DPP10: variants seen among roughly 807,000 people sequenced by gnomAD.
The protein encoded by DPP10 is inactive dipeptidyl peptidase 10.
Under a neutral mutation model 120.9 loss-of-function variants are expected in DPP10, and 33 were observed. That is an observed-to-expected ratio of 0.27 (90% CI 0.21 to 0.37). The LOEUF (loss-of-function observed/expected upper bound fraction) is 0.37, where lower values mean the gene tolerates loss of function less well. DPP10 is among the 10% of genes least tolerant of loss of function. DPP10 has a pLI of 1.00. For synonymous variants in DPP10, 337 were observed against 326.1 expected, an observed-to-expected ratio of 1.03 and a Z score of -0.36; for missense variants, 816 against 942.8, an observed-to-expected ratio of 0.87 and a Z score of 1.76.
In DPP10 at chr2:115,192,961, A is replaced by G. The variant is rs569853597; in HGVS notation, c.61-116278A>G. Among the ~76,000 whole-genome samples, 238 of 152,024 alleles carry G rather than the reference A, an allele frequency of 1.6e-3. 2 individuals carry two copies. The highest frequency in any genetic ancestry group is 5.5e-3 in the African/African-American group (229 of 41,574). ...CAATTAACGTTTCAAAACTTGCTTA[A>G]ACTTTAAAACAAAAAAAAAATTTTT... On this transcript the variant is annotated intron_variant, in intron 1 of 25. Coordinates refer to ENST00000410059, the MANE Select transcript of DPP10 (RefSeq NM_020868.6).
intron 1 of DPP10, among the ~76,000 whole-genome samples, chr2:114,643,305 C>T (rs1459585017): frequency 6.6e-6 from 1 of 151,878 alleles, no homozygotes; most frequent in African/African-American, 2.4e-5. Context: ...CAAGCTGACA[C>T]AATTTACAAA....
chr2:114,608,082 T>A (rs1692961599), intron 1 of DPP10, among the ~76,000 whole-genome samples: 1 of 152,232 alleles, frequency 6.6e-6, no homozygotes, highest in Admixed American at 6.5e-5. Context: ...GCCCTGGTCA[T>A]TACTCCGTAA....
At chr2:115,740,741 C>G (rs918207006) in intron 9 of DPP10, among the ~76,000 whole-genome samples, 29 of 152,140 alleles carry the variant, frequency 1.9e-4, no homozygotes, top group African/African-American at 6.5e-4. Flanking sequence ...TTTAATTGCT[C>G]GAGATCTCTT....
At chr2:114,809,645 T>G (rs114808151) in intron 1 of DPP10, among the ~76,000 whole-genome samples, 2,273 of 152,282 alleles carry the variant, frequency 0.015, 68 homozygotes, top group African/African-American at 0.051. Flanking sequence ...AAGCAGTGAA[T>G]GAAGCAACCC....
At chr2:114,681,019 T>C (rs1698992096) in intron 1 of DPP10, among the ~76,000 whole-genome samples, 1 of 151,976 alleles carries the variant, frequency 6.6e-6, no homozygotes, top group South Asian at 2.1e-4. Context: ...TGTATTTAGG[T>C]CATAATAATT....
chr2:115,638,498 T>C (rs1181653827), intron 5 of DPP10, among the ~76,000 whole-genome samples: 1 of 152,214 alleles, frequency 6.6e-6, no homozygotes, highest in African/African-American at 2.4e-5. Context: ...TTGTGCTCTC[T>C]CACATCTTGA....
chr2:114,741,380 T>C (rs1389428399), intron 1 of DPP10, among the ~76,000 whole-genome samples: 1 of 152,168 alleles, frequency 6.6e-6, no homozygotes, highest in African/African-American at 2.4e-5. Flanking sequence ...GAGAGCTGGA[T>C]GGGTGCTAAT....
At chr2:114,631,619 A>C (rs1279849331) in intron 1 of DPP10, among the ~76,000 whole-genome samples, 1 of 152,202 alleles carries the variant, frequency 6.6e-6, no homozygotes, top group African/African-American at 2.4e-5. Context: ...GTCAGGAAAA[A>C]GACTAGCGAA....
chr2:115,723,329 T>C (rs184797956), intron 7 of DPP10, among the ~76,000 whole-genome samples: 4 of 152,184 alleles, frequency 2.6e-5, no homozygotes, highest in African/African-American at 4.8e-5. Flanking sequence ...TTGTTTTTGC[T>C]TTTCTTTGGT....
chr2:115,353,170 C>T (rs751052413), intron 3 of DPP10, among the ~76,000 whole-genome samples: 8 of 152,032 alleles, frequency 5.3e-5, no homozygotes, highest in Admixed American at 1.3e-4. Context: ...GAGTTAAGAA[C>T]GGTTGGAGTC....
chr2:115,795,102 G>A (rs1014952999), intron 19 of DPP10, among the ~76,000 whole-genome samples: 6 of 152,140 alleles, frequency 3.9e-5, no homozygotes, highest in East Asian at 1.9e-4. Flanking sequence ...ACTTGCAGAC[G>A]TTCATTTGGT....
chr2:115,294,010 A>C (rs1223845790), intron 1 of DPP10, among the ~76,000 whole-genome samples: 1 of 152,162 alleles, frequency 6.6e-6, no homozygotes, highest in Non-Finnish European at 1.5e-5. Context: ...GAATCCACTC[A>C]GTCTGTTAGT....
intron 1 of DPP10, among the ~76,000 whole-genome samples, chr2:114,541,355 G>C (rs1403210529): frequency 2.6e-5 from 4 of 152,096 alleles, no homozygotes; most frequent in Admixed American, 2.6e-4. Flanking sequence ...GGTGACTCTT[G>C]GACAGCCAAA....
At chr2:115,575,963 G>T (rs751244879) in intron 5 of DPP10, among the ~76,000 whole-genome samples, 12 of 152,280 alleles carry the variant, frequency 7.9e-5, no homozygotes, top group Admixed American at 2.6e-4. Flanking sequence ...TACCTGCAAA[G>T]AACTGAATTT....
intron 1 of DPP10, among the ~76,000 whole-genome samples, chr2:114,450,665 G>A (rs1359684097): frequency 2.0e-5 from 3 of 151,654 alleles, no homozygotes; most frequent in Non-Finnish European, 2.9e-5. Flanking sequence ...GAAATAACAA[G>A]GTTCCTCAGG....
At chr2:115,751,145 A>T (rs1046858751) in intron 10 of DPP10, among the ~76,000 whole-genome samples, 5 of 152,218 alleles carry the variant, frequency 3.3e-5, no homozygotes, top group Admixed American at 3.3e-4. Flanking sequence ...TTTCAACAAC[A>T]TTTATATCAA....
intron 1 of DPP10, among the ~76,000 whole-genome samples, chr2:115,086,348 G>T (rs912020561): frequency 6.6e-6 from 1 of 151,814 alleles, no homozygotes; most frequent in Admixed American, 6.6e-5. Flanking sequence ...TCAACCCATT[G>T]TCAACCAGAA....
chr2:114,661,807 T>A (rs1697424498), intron 1 of DPP10, among the ~76,000 whole-genome samples: 1 of 152,176 alleles, frequency 6.6e-6, no homozygotes, highest in South Asian at 2.1e-4. Context: ...GTGATGGGGT[T>A]TTTGCTTAGC....
chr2:114,950,292 C>CTTTTTTTTTTT (rs35889704), intron 1 of DPP10, among the ~76,000 whole-genome samples: 2 of 90,816 alleles, frequency 2.2e-5, no homozygotes, highest in African/African-American at 4.2e-5. Flanking sequence ...CCACACCTTG[C>CTTTTTTTTTTT]TTTTTTTTTT....
Sources: allele counts gnomAD v4.1 joint callset (sites outside exome capture counted in the v4.1 genomes callset), GRCh38; gene constraint gnomAD v4.1.1; transcripts MANE v1.5; gene names NCBI Gene and HGNC (gene_info 2026-07-23, HGNC 2026-07-21).